Variants in WDR25 observed in about 807,000 individuals in gnomAD.
WDR25 encodes WD repeat-containing protein 25.
WDR25 carries 35 observed loss-of-function variants against 47.7 expected under a neutral mutation model. The observed-to-expected ratio is 0.73, with a 90% confidence interval of 0.56 to 0.97. The LOEUF (loss-of-function observed/expected upper bound fraction) is 0.97, where lower values mean the gene tolerates loss of function less well. WDR25 is among the 50% of genes least tolerant of loss of function. WDR25 has a pLI of 0.00. For synonymous variants in WDR25, 248 were observed against 278.9 expected (o/e 0.89, Z 1.10); for missense variants, 634 against 704.7 (o/e 0.90, Z 1.14).
chr14:100,432,736 A>T (rs1295656204), intron 2 of WDR25, among the ~76,000 whole-genome samples: 1 of 152,260 alleles, frequency 6.6e-6, no homozygotes, highest in African/African-American at 2.4e-5. Context: ...AATCATCAAC[A>T]TCAGGAAAAT....
rs889212883 is a variant in WDR25 at position 100,498,832 on chromosome 14, C to T, written c.1101+14708C>T. 3.3e-5 allele frequency among the ~76,000 whole-genome samples: 5 copies of T among 152,222 alleles called. No individual in the cohort carries two copies. Among genetic ancestry groups the T allele is most frequent in the Non-Finnish European group, 7.3e-5 (5 of 68,042 alleles). On this transcript the variant is annotated intron_variant, in intron 4 of 6. Coordinates refer to ENST00000402312, the MANE Select transcript of WDR25 (RefSeq NM_001161476.3). This position sits in a 1 kb window ranked among gnomAD's most constrained non-coding sequence, Gnocchi z 4.2. ...GGTTTCTACTCGAAGGGGTATCTTT[C>T]TCTAATAGGAACCAAGGTGCCATGC...
At chr14:100,393,750 C>G (rs1272149018) in intron 2 of WDR25, among the ~76,000 whole-genome samples, 1 of 152,112 alleles carries the variant, frequency 6.6e-6, no homozygotes, top group Admixed American at 6.5e-5. Context: ...TGCTGGAGGG[C>G]TGGGAAGTAG....
intron 2 of WDR25, among the ~76,000 whole-genome samples, chr14:100,395,371 C>T (rs76625803): frequency 0.038 from 5,728 of 152,216 alleles, 287 homozygotes; most frequent in African/African-American, 0.12. Flanking sequence ...AGAGAACCCA[C>T]GGCAGACTCT....
At chr14:100,411,892 T>A (rs547413411) in intron 2 of WDR25, among the ~76,000 whole-genome samples, 1 of 152,348 alleles carries the variant, frequency 6.6e-6, no homozygotes, top group African/African-American at 2.4e-5. Context: ...AGAGATATGA[T>A]GTCATCTAAA....
At chr14:100,484,882 G>A (rs10133183) in intron 4 of WDR25, among the ~76,000 whole-genome samples, 1 of 152,054 alleles carries the variant, frequency 6.6e-6, no homozygotes, top group African/African-American at 2.4e-5. Context: ...TTGCCCCTTG[G>A]AGGCTGTTCT....
intron 4 of WDR25, among the ~76,000 whole-genome samples, chr14:100,513,028 G>A (rs2140366529): frequency 6.6e-6 from 1 of 152,242 alleles, no homozygotes; most frequent in African/African-American, 2.4e-5. Context: ...AATGTTCTGT[G>A]TGCACTGAAA....
At chr14:100,459,894 G>GTGTATATATATGTGTA (rs1172584092) in intron 2 of WDR25, among the ~76,000 whole-genome samples, 4 of 78,284 alleles carry the variant, frequency 5.1e-5, no homozygotes, top group African/African-American at 1.9e-4. Flanking sequence ...GTGTGTGTGT[G>GTGTATATATATGTGTA]TATATATATA....
intron 4 of WDR25, 76 bp downstream of exon 4, chr14:100,484,200 A>G: frequency 6.5e-7 from 1 of 1,528,530 alleles, no homozygotes; most frequent in African/African-American, 1.4e-5. Context: ...GGGGCAGGTC[A>G]GCATCTATAT....
chr14:100,416,535 A>G (rs114520587), intron 2 of WDR25, among the ~76,000 whole-genome samples: 1,935 of 152,054 alleles, frequency 0.013, 44 homozygotes, highest in African/African-American at 0.045. Flanking sequence ...AACATGACAC[A>G]CCCTTTTAGG....
At chr14:100,460,683 G>A (rs1263694709) in intron 2 of WDR25, among the ~76,000 whole-genome samples, 1 of 151,982 alleles carries the variant, frequency 6.6e-6, no homozygotes, top group African/African-American at 2.4e-5. Context: ...ACTAGAAATA[G>A]AAGAGAACTC....
At chr14:100,379,456 C>T (rs1896819128) in intron 1 of WDR25, among the ~76,000 whole-genome samples, 1 of 147,810 alleles carries the variant, frequency 6.8e-6, no homozygotes, top group Non-Finnish European at 1.5e-5. Context: ...GGCATGATCT[C>T]AGCTCACTGC....
chr14:100,420,023 C>CT (rs1171395376), intron 2 of WDR25, among the ~76,000 whole-genome samples: 1 of 152,244 alleles, frequency 6.6e-6, no homozygotes, highest in Non-Finnish European at 1.5e-5. Context: ...TGGGAGTGAA[C>CT]GGGTGCTCGC....
intron 3 of WDR25, among the ~76,000 whole-genome samples, chr14:100,470,716 T>A (rs181877355): frequency 1.3e-5 from 2 of 152,040 alleles, no homozygotes; most frequent in East Asian, 3.9e-4. Flanking sequence ...TGGTGGAGAG[T>A]TGGAGGAGTG....
Position 100,473,695 on chromosome 14 carries a change from A to G in WDR25, c.970+5527A>G, listed in dbSNP as rs76139192. 4.0e-4 allele frequency among the ~76,000 whole-genome samples: 61 copies of G among 152,302 alleles called. 1 individual carries two copies. In the East Asian group the frequency reaches 9.1e-3, roughly 23 times the overall value. On this transcript the variant is annotated intron_variant, in intron 3 of 6. Transcript: ENST00000402312. The stretch of plus-strand genomic sequence containing the variant: ...GAAGTGTCCAAATGAAAACCATGGC[A>G]AAGAGCCCCAAGAGCTCCTGGGCTT...
At chr14:100,496,106 C>T (rs1320608856) in intron 4 of WDR25, among the ~76,000 whole-genome samples, 3 of 152,186 alleles carry the variant, frequency 2.0e-5, no homozygotes, top group Non-Finnish European at 2.9e-5. Context: ...CATATCCTCA[C>T]CAGCACTTGT....
Position 100,529,895 on chromosome 14 carries a change from G to T in WDR25, c.1489G>T (p.Val497Phe). Residue 497 changes from valine (V) to phenylalanine (F), a missense_variant, in exon 7 of 7, where the codon GTC becomes TTC. Val to Phe is a conservative substitution (Grantham distance 50). Transcript: ENST00000402312. The surrounding 1 kb of genome is among the most constrained non-coding windows in gnomAD (Gnocchi z 5.1). ...GGTGACGGGCAGCGCCGATGGCCGG[G>T]TCCTGATGTACAGCTTCCGCACAGC... The part of the protein sequence containing the change: ...LLVTGSADGR[V>F]LMYSFRTASR... 6.2e-7 allele frequency: 1 copy of T among 1,613,364 alleles called. No individual in the cohort carries two copies. The highest frequency in any genetic ancestry group is 8.5e-7 in the Non-Finnish European group (1 of 1,180,018).
In WDR25 at chr14:100,376,789, C is replaced by T. The variant is rs185496021; in HGVS notation, c.-16+294C>T. 132 of 1,196,096 alleles carry T rather than the reference C, an allele frequency of 1.1e-4. No individual in the cohort carries two copies. The African/African-American group carries it at 1.8e-3, about 17-fold the overall frequency. The allele number at this position is 1,196,096 out of a possible 1,614,324, so 74.1% of individuals were successfully genotyped here. ...GTTTGATTTCCACCCACACCAGACCCAGCATAGGGCTTGACAAAGAGTACG... is the reference window on the plus strand; with the variant it reads ...GTTTGATTTCCACCCACACCAGACCTAGCATAGGGCTTGACAAAGAGTACG... On this transcript the variant is annotated intron_variant, in intron 1 of 6. Coordinates refer to ENST00000402312, the MANE Select transcript of WDR25 (RefSeq NM_001161476.3).
intron 3 of WDR25, among the ~76,000 whole-genome samples, chr14:100,479,059 A>C (rs1900113358): frequency 6.6e-6 from 1 of 150,624 alleles, no homozygotes; most frequent in Non-Finnish European, 1.5e-5. Context: ...AGAGTTTGGC[A>C]GTCCTGGGCC....
chr14:100,525,935 C>T lies in WDR25; in HGVS notation c.1167C>T (p.Ser389=), dbSNP rs374329614. ...ACATCCTGTTCCTCCGGGAAGGCTC[C>T]GAGTTCCTGAGCAGCACAGACGCTT... ...TLDILFLREG[S]EFLSSTDAST... is the part of the protein sequence containing the mutation. The change falls in exon 5 of 7, where the codon TCC becomes TCT. Residue 389 remains serine, a synonymous_variant. Transcript: ENST00000402312. The surrounding 1 kb of genome is among the most constrained non-coding windows in gnomAD (Gnocchi z 4.6). 21 of 1,613,878 alleles carry T rather than the reference C, an allele frequency of 1.3e-5. No homozygotes were observed. The highest frequency in any genetic ancestry group is 6.7e-5 in the African/African-American group (5 of 74,906).
Sources: gnomAD v4.1 joint callset for allele counts (sites outside exome capture counted in the v4.1 genomes callset) on GRCh38, gnomAD v4.1.1 for gene constraint, Gnocchi (gnomAD v3.1) non-coding constraint, MANE v1.5 for transcripts, NCBI Gene and HGNC (gene_info 2026-07-23, HGNC 2026-07-21) for gene names.